NOP58: variants seen among roughly 807,000 people sequenced by gnomAD.
NOP58 encodes the protein nucleolar protein 58.
A neutral mutation model predicts 71.2 loss-of-function variants in NOP58; 44 were observed. The observed-to-expected ratio is 0.62, with a 90% CI of 0.49 to 0.79. The LOEUF is 0.79. Among genes scored for constraint, NOP58 ranks in the 30% least tolerant of loss-of-function variants. The pLI, the probability that NOP58 is intolerant of heterozygous loss-of-function variation, is 0.00. For synonymous variants in NOP58, 228 were observed against 200.3 expected (o/e 1.14, Z -1.17); for missense variants, 538 against 620.2 (o/e 0.87, Z 1.41).
At chr2:202,273,234 T>C (rs981043014) in intron 1 of NOP58, among the ~76,000 whole-genome samples, 34 of 152,332 alleles carry the variant, frequency 2.2e-4, no homozygotes, top group African/African-American at 7.5e-4. Context: ...ACAAAGGTCT[T>C]CAAAGACTAT....
chr2:202,285,383 C>G (rs914091904), intron 5 of NOP58, among the ~76,000 whole-genome samples: 20 of 131,472 alleles, frequency 1.5e-4, no homozygotes, highest in African/African-American at 6.0e-4. Context: ...GGGTCTCACT[C>G]TGTTGCTCAG....
In NOP58 at chr2:202,275,144, A is replaced by G. The variant is rs1218834327; in HGVS notation, c.77A>G (p.Asp26Gly). ...VLNEKKLQEV[D>G]SLWKEFETPE... is the part of the protein sequence containing the mutation. The stretch of plus-strand genomic sequence containing the variant: ...AATGAGAAGAAACTTCAAGAGGTTG[A>G]TAGTTTATGGAAAGAATTTGAAACT... The change falls in exon 2 of 15, where the codon GAT (aspartate) becomes GGT (glycine). Residue 26 changes from aspartate (D) to glycine (G), a missense_variant. By Grantham distance (94) the Asp-to-Gly change is moderately conservative. Coordinates refer to ENST00000264279, the MANE Select transcript of NOP58 (RefSeq NM_015934.5). The G allele has an allele frequency of 1.9e-6, 3 of 1,571,052 alleles. No individual in the cohort carries two copies. Among genetic ancestry groups the G allele is most frequent in the Non-Finnish European group, 2.6e-6 (3 of 1,150,960 alleles).
chr2:202,273,848 C>T (rs759838885), intron 1 of NOP58, among the ~76,000 whole-genome samples: 1 of 151,514 alleles, frequency 6.6e-6, no homozygotes, highest in Non-Finnish European at 1.5e-5. Flanking sequence ...GAGACTGAGG[C>T]AGGAGAATCG....
chr2:202,295,029 A>G (rs1688968659), intron 9 of NOP58, among the ~76,000 whole-genome samples: 1 of 152,154 alleles, frequency 6.6e-6, no homozygotes, highest in Non-Finnish European at 1.5e-5. Flanking sequence ...TAAGCACTGC[A>G]GTACTGCACA....
intron 2 of NOP58, chr2:202,276,620 A>G: frequency 2.8e-6 from 1 of 356,286 alleles, no homozygotes; most frequent in South Asian, 2.1e-5. Context: ...CAGGCGGATC[A>G]GTTGAGCCCA....
chr2:202,269,879 A>G (rs761124957), intron 1 of NOP58, among the ~76,000 whole-genome samples: 2 of 152,234 alleles, frequency 1.3e-5, no homozygotes, highest in Non-Finnish European at 2.9e-5. Flanking sequence ...ACGTATAACC[A>G]TTTCACATGA....
chr2:202,272,479 G>A (rs1200681383), intron 1 of NOP58, among the ~76,000 whole-genome samples: 1 of 152,120 alleles, frequency 6.6e-6, no homozygotes, highest in Non-Finnish European at 1.5e-5. Flanking sequence ...ACACATGGTT[G>A]AATTAGATAT....
chr2:202,297,621 A>G (rs1689015457), intron 11 of NOP58, 108 bp downstream of exon 11: 5 of 1,147,014 alleles, frequency 4.4e-6, no homozygotes, highest in South Asian at 1.6e-5. Context: ...ACTTATTAGT[A>G]TGTCTAAAGT....
intron 12 of NOP58, among the ~76,000 whole-genome samples, chr2:202,298,587 C>A (rs1051396781): frequency 6.6e-6 from 1 of 152,116 alleles, no homozygotes; most frequent in Admixed American, 6.5e-5. Flanking sequence ...GAGCTGAGAT[C>A]GCGCCCCTGC....
Position 202,275,165 on chromosome 2 carries a change from A to G in NOP58, c.98A>G (p.Glu33Gly). 2 of 1,571,780 alleles carry G rather than the reference A, an allele frequency of 1.3e-6. No homozygotes were observed. The highest frequency in any genetic ancestry group is 8.7e-7 in the Non-Finnish European group (1 of 1,150,164). ...GTTGATAGTTTATGGAAAGAATTTGAAACTCCAGAGAAAGCAAACAAAATG... is the reference window on the plus strand; with the variant it reads ...GTTGATAGTTTATGGAAAGAATTTGGAACTCCAGAGAAAGCAAACAAAATG... ...QEVDSLWKEF[E>G]TPEKANKIVK... Residue 33 changes from glutamate (E) to glycine (G), a missense_variant, in exon 2 of 15, where the codon GAA (glutamate) becomes GGA (glycine). Glu to Gly is a moderately conservative substitution (Grantham distance 98). Coordinates refer to ENST00000264279, the MANE Select transcript of NOP58 (RefSeq NM_015934.5).
intron 1 of NOP58, among the ~76,000 whole-genome samples, chr2:202,271,061 G>A (rs1037007486): frequency 2.0e-5 from 3 of 151,598 alleles, no homozygotes; most frequent in Non-Finnish European, 2.9e-5. Context: ...CCCAGCCTGC[G>A]TGACAGGGCG....
At chr2:202,266,065 C>A in intron 1 of NOP58, 79 bp downstream of exon 1, 1 of 1,527,160 alleles carries the variant, frequency 6.5e-7, no homozygotes, top group Non-Finnish European at 9.1e-7. Context: ...AAGCACGGAA[C>A]TACTCAGAGT....
At chr2:202,287,623 T>C (rs1431492198) in intron 5 of NOP58, 37 bp from the exon 6 acceptor site, 1 of 1,516,272 alleles carries the variant, frequency 6.6e-7, no homozygotes. Context: ...TTTTCCTAGA[T>C]GCTATCTTGC....
rs530687455 is a variant in NOP58, at chr2:202,290,017, C to T, written c.500-306C>T. ...TCACCCAGGCTGGAATGCAGTAGCA[C>T]GATCTCGGCTCACTACAACCTCCAC... On this transcript the variant is annotated intron_variant, in intron 6 of 14. Coordinates refer to ENST00000264279, the MANE Select transcript of NOP58 (RefSeq NM_015934.5). Among the ~76,000 whole-genome samples, 61 of 152,164 alleles carry T rather than the reference C, an allele frequency of 4.0e-4. 2 individuals carry two copies. In the South Asian group the frequency reaches 0.012, roughly 29 times the overall value.
rs71031885 is a variant in NOP58, at chr2:202,302,083, CTTTTTTTTT to C, written c.1403-824_1403-816del. ...TCTCTTTTCTTTTTCTTTTTTTTTT[CTTTTTTTTT>C]TTTTTTTTTTTTTGAGACAGAGTCT... On this transcript the variant is annotated intron_variant, in intron 13 of 14. Transcript: ENST00000264279. Among the ~76,000 whole-genome samples, 259 of 90,584 alleles carry C rather than the reference CTTTTTTTTT, an allele frequency of 2.9e-3. 1 individual carries two copies. The Middle Eastern group carries it at 0.059, about 21-fold the overall frequency. The allele number at this position is 90,584 out of a possible 152,430, so 59.4% of individuals were successfully genotyped here. A position where few individuals can be genotyped will look rare whatever the true frequency, so the allele number is the denominator to read the frequency against.
intron 1 of NOP58, among the ~76,000 whole-genome samples, chr2:202,268,340 C>G (rs188171838): frequency 6.6e-6 from 1 of 151,900 alleles, no homozygotes; most frequent in African/African-American, 2.4e-5. Context: ...TGAGACCAGC[C>G]TAACCAACAT....
At chr2:202,279,808 A>G (rs1688671020) in intron 3 of NOP58, among the ~76,000 whole-genome samples, 1 of 152,162 alleles carries the variant, frequency 6.6e-6, no homozygotes, top group South Asian at 2.1e-4. Flanking sequence ...ATAACATAAA[A>G]TTAAGTAGTG....
chr2:202,275,131 C>T lies in NOP58; in HGVS notation c.64C>T (p.Leu22Phe). ...AIFKVLNEKK[L>F]QEVDSLWKEF... is the part of the protein sequence containing the mutation. ...ATTACAGGTTCTAAATGAGAAGAAA[C>T]TTCAAGAGGTTGATAGTTTATGGAA... The change falls in exon 2 of 15, where the codon CTT becomes TTT. Residue 22 changes from leucine to phenylalanine, a missense_variant. Transcript: ENST00000264279. 3 of 1,563,610 alleles carry T rather than the reference C, an allele frequency of 1.9e-6. No homozygotes were observed. Among genetic ancestry groups the T allele is most frequent in the Non-Finnish European group, 2.6e-6 (3 of 1,143,716 alleles).
At chr2:202,302,265 T>C (rs1231814646) in intron 13 of NOP58, among the ~76,000 whole-genome samples, 6 of 151,924 alleles carry the variant, frequency 3.9e-5, no homozygotes, top group Admixed American at 1.3e-4. Flanking sequence ...CTTTTTTGTA[T>C]TTTTATTAGA....
Sources: gnomAD v4.1 joint callset for allele counts (sites outside exome capture counted in the v4.1 genomes callset) on GRCh38, gnomAD v4.1.1 for gene constraint, MANE v1.5 for transcripts, NCBI Gene and HGNC (gene_info 2026-07-23, HGNC 2026-07-21) for gene names.